The following PACS1 variants were observed in gnomAD, a reference collection of about 807,000 sequenced individuals.
PACS1 encodes PACS-1.
A neutral mutation model predicts 115.0 loss-of-function variants in PACS1; 24 were observed. The observed-to-expected ratio is 0.21, with a 90% CI of 0.15 to 0.29. The LOEUF (loss-of-function observed/expected upper bound fraction) is 0.29. PACS1 is among the 10% of genes least tolerant of loss of function. The probability of loss-of-function intolerance (pLI) is 1.00; values close to 1 mark genes in which losing one functional copy is unlikely to be tolerated. For synonymous variants in PACS1, 453 were observed against 504.5 expected (o/e 0.90, Z 1.37); for missense variants, 838 against 1,251.2 (o/e 0.67, Z 4.98).
intron 10 of PACS1, among the ~76,000 whole-genome samples, chr11:66,223,254 C>T (rs899849103): frequency 4.6e-5 from 7 of 151,898 alleles, no homozygotes; most frequent in East Asian, 1.9e-4. Context: ...CACCCACACC[C>T]GGCTAATTTT....
At chr11:66,207,316 A>G (rs1244581842) in intron 2 of PACS1, among the ~76,000 whole-genome samples, 1 of 152,104 alleles carries the variant, frequency 6.6e-6, no homozygotes, top group Non-Finnish European at 1.5e-5. Context: ...AAAATACAAA[A>G]ATTAGCTGGG....
rs71036269 is a variant in PACS1 at position 66,074,941 on chromosome 11, G to GTTTT, written c.356+4115_356+4118dup. 1.7e-3 allele frequency among the ~76,000 whole-genome samples: 193 copies of GTTTT among 114,198 alleles called. 2 individuals are homozygous for GTTTT. Among genetic ancestry groups the GTTTT allele is most frequent in the East Asian group, 2.1e-3 (8 of 3,796 alleles). The allele number at this position is 114,198 out of a possible 152,430, so 74.9% of individuals were successfully genotyped here. A position where few individuals can be genotyped will look rare whatever the true frequency, so the allele number is the denominator to read the frequency against. ...TTAATTTTATTAATTTTTTTTTGGT[G>GTTTT]TTTTTTTTTTTTTTTTTTTGAGATG... is the stretch of plus-strand genomic sequence containing the variant. On this transcript the variant is annotated intron_variant, in intron 1 of 23. Transcript: ENST00000320580.
At chr11:66,118,152 AAG>A (rs1278038622) in intron 1 of PACS1, among the ~76,000 whole-genome samples, 1 of 152,238 alleles carries the variant, frequency 6.6e-6, no homozygotes, top group Non-Finnish European at 1.5e-5. Flanking sequence ...GGTATAAGTA[AAG>A]AGAATAGACT....
At chr11:66,145,156 A>G (rs1354002742) in intron 1 of PACS1, among the ~76,000 whole-genome samples, 1 of 152,244 alleles carries the variant, frequency 6.6e-6, no homozygotes, top group African/African-American at 2.4e-5. Flanking sequence ...TAGAAATGGA[A>G]TAAATGCAAG....
chr11:66,089,900 A>G (rs1027106096), intron 1 of PACS1, among the ~76,000 whole-genome samples: 2 of 148,002 alleles, frequency 1.4e-5, no homozygotes, highest in Non-Finnish European at 3.0e-5. Flanking sequence ...CAGCTACTCG[A>G]GAGGCTGAGG....
chr11:66,119,595 A>G (rs1444643353), intron 1 of PACS1, among the ~76,000 whole-genome samples: 1 of 152,266 alleles, frequency 6.6e-6, no homozygotes, highest in Non-Finnish European at 1.5e-5. Flanking sequence ...TATTTGAGAC[A>G]TCTCTTTTCC....
At chr11:66,209,850 C>T (rs748800639) in intron 2 of PACS1, among the ~76,000 whole-genome samples, 1 of 151,640 alleles carries the variant, frequency 6.6e-6, no homozygotes, top group African/African-American at 2.4e-5. Flanking sequence ...GGTTGCAGTG[C>T]GCCGAGATCA....
chr11:66,139,297 G>T (rs567753121), intron 1 of PACS1, among the ~76,000 whole-genome samples: 1 of 152,224 alleles, frequency 6.6e-6, no homozygotes, highest in Admixed American at 6.5e-5. Context: ...GGTAAGTGGG[G>T]TGTCCAACTC....
rs143016311 is a variant in PACS1, at chr11:66,090,761, T to C, written c.356+19919T>C. 8.1e-4 allele frequency among the ~76,000 whole-genome samples: 123 copies of C among 152,340 alleles called. 1 individual carries two copies. The East Asian group carries it at 0.022, about 28-fold the overall frequency. On this transcript the variant is annotated intron_variant, in intron 1 of 23. Transcript: ENST00000320580. ...AAGATAGAATCACTAAAGAGTTTTATGTTCCTCAGTGAAAGGTATCAGATG... is the reference window on the plus strand; with the variant it reads ...AAGATAGAATCACTAAAGAGTTTTACGTTCCTCAGTGAAAGGTATCAGATG...
In PACS1 at chr11:66,235,209, C is replaced by T. The variant is rs944995356; in HGVS notation, c.2105-92C>T. 1.3e-5 allele frequency: 11 copies of T among 864,482 alleles called. No individual in the cohort carries two copies. The highest frequency in any genetic ancestry group is 1.9e-5 in the Admixed American group (1 of 52,700). 53.6% of individuals were successfully genotyped at this position (864,482 alleles called of 1,614,324 possible). A position where few individuals can be genotyped will look rare whatever the true frequency, so the allele number is the denominator to read the frequency against. ...CCTTCACTCAACTCCTAGAGTCTGA[C>T]GGGTCTCAGGAAGGGATCCCTCTCC... On this transcript the variant is annotated intron_variant, in intron 17 of 23. Coordinates refer to ENST00000320580, the MANE Select transcript of PACS1 (RefSeq NM_018026.4). This position sits in a 1 kb window ranked among gnomAD's most constrained non-coding sequence, Gnocchi z 5.6.
chr11:66,212,906 C>T (rs181623979), intron 4 of PACS1, among the ~76,000 whole-genome samples: 37 of 152,228 alleles, frequency 2.4e-4, no homozygotes, highest in African/African-American at 7.2e-4. Context: ...CTGGAGTGCG[C>T]TGGCACAATC....
At chr11:66,183,795 G>A (rs993087843) in intron 1 of PACS1, among the ~76,000 whole-genome samples, 23 of 152,158 alleles carry the variant, frequency 1.5e-4, no homozygotes, top group Non-Finnish European at 3.2e-4. Context: ...TTCTGCAGTC[G>A]TATTTATACC....
chr11:66,176,254 C>A (rs763828018), intron 1 of PACS1, among the ~76,000 whole-genome samples: 6 of 152,138 alleles, frequency 3.9e-5, no homozygotes, highest in Non-Finnish European at 7.3e-5. Flanking sequence ...CTCTGGTAGT[C>A]TGCAATGTCT....
chr11:66,116,519 A>G (rs1221322357), intron 1 of PACS1, among the ~76,000 whole-genome samples: 1 of 152,246 alleles, frequency 6.6e-6, no homozygotes, highest in Middle Eastern at 3.2e-3. Flanking sequence ...CTTACGAGCA[A>G]CTATTCTATA....
At chr11:66,108,492 G>A (rs1858105393) in intron 1 of PACS1, among the ~76,000 whole-genome samples, 1 of 152,212 alleles carries the variant, frequency 6.6e-6, no homozygotes, top group Non-Finnish European at 1.5e-5. Flanking sequence ...AGAGGCCAAA[G>A]TGGGAGGATC....
chr11:66,170,824 C>G (rs1242152275), intron 1 of PACS1, among the ~76,000 whole-genome samples: 1 of 146,180 alleles, frequency 6.8e-6, no homozygotes, highest in Non-Finnish European at 1.5e-5. Flanking sequence ...GCACGTTAGT[C>G]CTAGCTACTT....
chr11:66,077,397 A>C (rs930347092), intron 1 of PACS1, among the ~76,000 whole-genome samples: 131 of 152,254 alleles, frequency 8.6e-4, no homozygotes, highest in Non-Finnish European at 1.5e-3. Flanking sequence ...CCCTCTCCAC[A>C]AAAAATAAAC....
chr11:66,231,968 C>T (rs1328794916), intron 13 of PACS1: 6 of 540,920 alleles, frequency 1.1e-5, no homozygotes, highest in Non-Finnish European at 2.0e-5. Flanking sequence ...TCCATGTGTC[C>T]TCTAAGGACT....
In PACS1 at chr11:66,193,590, T is replaced by A; in HGVS notation, c.444+17T>A. 1 of 1,587,732 alleles carries A rather than the reference T, an allele frequency of 6.3e-7. No individual in the cohort carries two copies. Among genetic ancestry groups the A allele is most frequent in the Non-Finnish European group, 8.6e-7 (1 of 1,156,740 alleles). On this transcript the variant is annotated intron_variant, in intron 2 of 23. Coordinates refer to ENST00000320580, the MANE Select transcript of PACS1 (RefSeq NM_018026.4). ...AAGCTGCAGGTGAGTGGGGCAGGAC[T>A]GTTTGTTCAGGGCCCAGGGAAGCTG...
Sources: gnomAD v4.1 joint callset for allele counts (sites outside exome capture counted in the v4.1 genomes callset) on GRCh38, gnomAD v4.1.1 for gene constraint, Gnocchi (gnomAD v3.1) non-coding constraint, MANE v1.5 for transcripts, NCBI Gene and HGNC (gene_info 2026-07-23, HGNC 2026-07-21) for gene names.